Variants in SPSB4 observed in about 807,000 individuals in gnomAD.
The protein encoded by SPSB4 is splA/ryanodine receptor domain and SOCS box containing 4.
A neutral mutation model predicts 20.9 loss-of-function variants in SPSB4; 21 were observed. That is an observed-to-expected ratio of 1.01 (90% CI 0.71 to 1.45). The LOEUF (loss-of-function observed/expected upper bound fraction) is 1.45, where lower values mean the gene tolerates loss of function less well. SPSB4 is among the 40% of genes most tolerant of loss of function. The pLI is 0.00. For missense variants in SPSB4, 399 were observed against 399.2 expected (o/e 1.00, Z 0.00); for synonymous variants, 207 against 183.8 (o/e 1.13, Z -1.02).
rs191116513 is a variant in SPSB4 at position 141,114,208 on chromosome 3, A to G, written c.695-32934A>G. ...TTCAGTCAACAGGTCAGCTGTGTTC[A>G]TGTGGAAAATACCAGGGGTGAATTC... On this transcript the variant is annotated intron_variant, in intron 2 of 2. Transcript: ENST00000310546. Among the ~76,000 whole-genome samples the G allele has an allele frequency of 1.5e-3, 230 of 152,360 alleles. 1 individual carries two copies. The highest frequency in any genetic ancestry group is 6.8e-3 in the Middle Eastern group (2 of 294).
Position 141,066,155 on chromosome 3 carries a change from G to C in SPSB4, c.51G>C (p.Pro17=). 1 of 1,532,292 alleles carries C rather than the reference G, an allele frequency of 6.5e-7. No individual in the cohort carries two copies. The highest frequency in any genetic ancestry group is 8.8e-7 in the Non-Finnish European group (1 of 1,142,012). 94.9% of individuals were successfully genotyped at this position (1,532,292 alleles called of 1,614,324 possible). The change falls in exon 2 of 3, where the codon CCG becomes CCC. Residue 17 remains proline, a synonymous_variant. Transcript: ENST00000310546. ...GSLKSVEVRE[P]ALRPAKRELR... ...TCAAGTCAGTGGAGGTGCGAGAGCC[G>C]GCGCTGCGGCCGGCCAAGCGGGAGC...
chr3:141,148,261 C>T lies in SPSB4; in HGVS notation c.*992C>T, dbSNP rs977586606. On this transcript the variant is annotated 3_prime_UTR_variant, in exon 3 of 3. Transcript: ENST00000310546. The surrounding 1 kb of genome is among the most constrained non-coding windows in gnomAD (Gnocchi z 4.5). ...TTAGGAGACTTCTACAAGTTTGTTT[C>T]CTGTTTCAAATGTGTGTGTGATGTG... 1 of 152,608 alleles carries T rather than the reference C, an allele frequency of 6.6e-6. No individual in the cohort carries two copies. The highest frequency in any genetic ancestry group is 2.4e-5 in the African/African-American group (1 of 41,394). The allele number at this position is 152,608 out of a possible 1,614,324, so 9.5% of individuals were successfully genotyped here. A position where few individuals can be genotyped will look rare whatever the true frequency, so the allele number is the denominator to read the frequency against.
At chr3:141,098,030 C>A (rs531927757) in intron 2 of SPSB4, among the ~76,000 whole-genome samples, 1 of 152,284 alleles carries the variant, frequency 6.6e-6, no homozygotes, top group African/African-American at 2.4e-5. Context: ...ACAGCTCAGG[C>A]CTGTCTGGTT....
At position 141,083,434 on chromosome 3, in the gene SPSB4, C is replaced by A. The variant is rs189653376; in HGVS notation, c.694+16636C>A. Among the ~76,000 whole-genome samples, 12 of 152,350 alleles carry A rather than the reference C, an allele frequency of 7.9e-5. No individual in the cohort carries two copies. In the South Asian group the frequency reaches 2.1e-3, roughly 26 times the overall value. The stretch of plus-strand genomic sequence containing the variant: ...CCAGCAGAAGATATGAGAAAGGCCC[C>A]TGCCCCACTTGGGGCTTAGCTCTGC... On this transcript the variant is annotated intron_variant, in intron 2 of 2. Transcript: ENST00000310546.
chr3:141,143,031 T>C lies in SPSB4; in HGVS notation c.695-4111T>C, dbSNP rs148321584. On this transcript the variant is annotated intron_variant, in intron 2 of 2. Coordinates refer to ENST00000310546, the MANE Select transcript of SPSB4 (RefSeq NM_080862.3). ...TGGGGTTTCACCGTGTTAGCCAGGA[T>C]GGTCTCCATCTCCTGACTTTGTGAT... is the stretch of plus-strand genomic sequence containing the variant. Among the ~76,000 whole-genome samples the C allele has an allele frequency of 9.9e-3, 1,504 of 152,140 alleles. 21 individuals are homozygous for C. The highest frequency in any genetic ancestry group is 0.035 in the African/African-American group (1,432 of 41,500).
intron 2 of SPSB4, chr3:141,077,254 A>G (rs1353275789): frequency 6.6e-6 from 1 of 152,246 alleles, no homozygotes; most frequent in Non-Finnish European, 1.5e-5. Context: ...GAGCTTGGAA[A>G]ATACTGCCGT....
At chr3:141,077,026 C>T (rs1192627869) in intron 2 of SPSB4, 2 of 152,186 alleles carry the variant, frequency 1.3e-5, no homozygotes, top group African/African-American at 4.8e-5. Flanking sequence ...CCTTTATTTA[C>T]AGGGTCGGGA....
intron 2 of SPSB4, among the ~76,000 whole-genome samples, chr3:141,099,271 G>A (rs146879477): frequency 0.01 from 1,520 of 150,164 alleles, 21 homozygotes; most frequent in African/African-American, 0.036. Flanking sequence ...TGCAAGCTCT[G>A]CCTCCTGGGT....
chr3:141,117,458 GT>G (rs1315252836), intron 2 of SPSB4, among the ~76,000 whole-genome samples: 1 of 152,172 alleles, frequency 6.6e-6, no homozygotes, highest in Non-Finnish European at 1.5e-5. Context: ...TTTGAGTTTG[GT>G]TGGGGCCACC....
At chr3:141,129,114 G>A (rs1328191381) in intron 2 of SPSB4, among the ~76,000 whole-genome samples, 1 of 152,230 alleles carries the variant, frequency 6.6e-6, no homozygotes, top group East Asian at 1.9e-4. Flanking sequence ...ACACTCTCCT[G>A]TCAGTACTGA....
At chr3:141,137,844 C>G (rs1002387239) in intron 2 of SPSB4, among the ~76,000 whole-genome samples, 1 of 152,128 alleles carries the variant, frequency 6.6e-6, no homozygotes, top group Non-Finnish European at 1.5e-5. Flanking sequence ...TGATGCTGGC[C>G]TCATAAAATG....
At position 141,147,748 on chromosome 3, in the gene SPSB4, G is replaced by A. The variant is rs537660880; in HGVS notation, c.*479G>A. On this transcript the variant is annotated 3_prime_UTR_variant, in exon 3 of 3. Coordinates refer to ENST00000310546, the MANE Select transcript of SPSB4 (RefSeq NM_080862.3). ...ACGCCGTGCCCCTCCTGGCCCATAC[G>A]CCTTGCCAGGGCGGCAGGATTGTCA... The A allele has an allele frequency of 1.8e-5, 3 of 164,230 alleles. No individual in the cohort carries two copies. The highest frequency in any genetic ancestry group is 3.3e-4 in the South Asian group (2 of 5,990). 10.2% of individuals were successfully genotyped at this position (164,230 alleles called of 1,614,324 possible). A position where few individuals can be genotyped will look rare whatever the true frequency, so the allele number is the denominator to read the frequency against.
At chr3:141,052,143 G>C (rs1037855885) in intron 1 of SPSB4, among the ~76,000 whole-genome samples, 151 bp downstream of exon 1, 2 of 152,218 alleles carry the variant, frequency 1.3e-5, no homozygotes, top group African/African-American at 4.8e-5. Context: ...GTGGCAGTTC[G>C]AGATGGTTGA....
chr3:141,079,953 G>A (rs994523903), intron 2 of SPSB4, among the ~76,000 whole-genome samples: 1 of 152,180 alleles, frequency 6.6e-6, no homozygotes, highest in Non-Finnish European at 1.5e-5. Flanking sequence ...AGGCTCAGGG[G>A]TCAGCAGCAG....
intron 2 of SPSB4, among the ~76,000 whole-genome samples, chr3:141,121,058 C>T (rs575510530): frequency 5.3e-5 from 8 of 150,164 alleles, no homozygotes; most frequent in African/African-American, 1.5e-4. Flanking sequence ...ACAAGTTGTT[C>T]CCTTCCATGT....
chr3:141,141,008 A>T (rs1424943514), intron 2 of SPSB4, among the ~76,000 whole-genome samples: 2 of 152,070 alleles, frequency 1.3e-5, no homozygotes, highest in African/African-American at 4.8e-5. Flanking sequence ...ACTTGGTTTT[A>T]CCTACTCAAG....
At chr3:141,055,036 G>A (rs1213563157) in intron 1 of SPSB4, among the ~76,000 whole-genome samples, 2 of 152,172 alleles carry the variant, frequency 1.3e-5, no homozygotes, top group African/African-American at 2.4e-5. Context: ...TGACAAGCAC[G>A]TCTTAATGCA....
chr3:141,083,653 C>T (rs1938282144), intron 2 of SPSB4, among the ~76,000 whole-genome samples: 1 of 152,122 alleles, frequency 6.6e-6, no homozygotes, highest in African/African-American at 2.4e-5. Context: ...TGGCCCACTT[C>T]TCCACCTGTC....
Position 141,137,921 on chromosome 3 carries a change from C to T in SPSB4, c.695-9221C>T, listed in dbSNP as rs568242804. ...TTCAGAAGGAATGGTACCAGCTCCT[C>T]CTTGTACCTCTGGTAGAATTCGGCT... On this transcript the variant is annotated intron_variant, in intron 2 of 2. Transcript: ENST00000310546. Among the ~76,000 whole-genome samples, 84 of 152,236 alleles carry T rather than the reference C, an allele frequency of 5.5e-4. No individual in the cohort carries two copies. The East Asian group carries it at 0.015, about 27-fold the overall frequency.
Sources: allele counts gnomAD v4.1 joint callset (sites outside exome capture counted in the v4.1 genomes callset), GRCh38; gene constraint gnomAD v4.1.1; non-coding constraint Gnocchi (gnomAD v3.1); transcripts MANE v1.5; gene names NCBI Gene and HGNC (gene_info 2026-07-23, HGNC 2026-07-21).